The following HCRTR2 variants were observed in gnomAD, a reference collection of about 807,000 sequenced individuals.
The protein encoded by HCRTR2 is hypocretin receptor 2.
In HCRTR2, 22 loss-of-function variants were observed where a neutral mutation model predicts 49.0. That is an observed-to-expected ratio of 0.45 (90% CI 0.32 to 0.64). The LOEUF is 0.64. Among genes scored for constraint, HCRTR2 ranks in the 30% least tolerant of loss-of-function variants. HCRTR2 has a pLI of 0.04. For missense variants in HCRTR2, 491 were observed against 559.4 expected, an observed-to-expected ratio of 0.88 and a Z score of 1.23; for synonymous variants, 236 against 205.3, an observed-to-expected ratio of 1.15 and a Z score of -1.28.
chr6:55,111,162 A>C (rs35094736), intron 1 of HCRTR2, among the ~76,000 whole-genome samples: 4,725 of 151,944 alleles, frequency 0.031, 198 homozygotes, highest in African/African-American at 0.088. Flanking sequence ...AAATGGATAC[A>C]GCAAAATGGT....
At chr6:55,186,822 G>A (rs1425247657) in intron 1 of HCRTR2, among the ~76,000 whole-genome samples, 1 of 152,138 alleles carries the variant, frequency 6.6e-6, no homozygotes, top group Non-Finnish European at 1.5e-5. Context: ...GCCTTGGGAT[G>A]TTTCAGGCAT....
intron 1 of HCRTR2, among the ~76,000 whole-genome samples, chr6:55,232,466 G>A (rs898227475): frequency 4.6e-5 from 7 of 152,030 alleles, no homozygotes; most frequent in Non-Finnish European, 5.9e-5. Context: ...AACTTTCTCC[G>A]ACATGTTGTC....
rs180919964 is a variant in HCRTR2, at chr6:55,147,098, A to G, written c.-377-27113A>G. ...TAGGGGATATTTAAAACTATTACAT[A>G]CTTATTTTCTCCCAAAATGTAAGGT... On this transcript the variant is annotated intron_variant, in intron 1 of 7. Coordinates refer to the HCRTR2 transcript ENST00000615358. Among the ~76,000 whole-genome samples the G allele has an allele frequency of 1.6e-3, 242 of 152,294 alleles. 2 individuals carry two copies. Among genetic ancestry groups the G allele is most frequent in the African/African-American group, 5.5e-3 (227 of 41,572 alleles).
At chr6:55,214,253 C>T (rs1765747490) in intron 1 of HCRTR2, among the ~76,000 whole-genome samples, 1 of 148,342 alleles carries the variant, frequency 6.7e-6, no homozygotes, top group Non-Finnish European at 1.5e-5. Flanking sequence ...CCCAGAATTT[C>T]TAGCTGGGTT....
At chr6:55,226,723 T>TTTTTTTTTTTG (rs1562013656) in intron 1 of HCRTR2, among the ~76,000 whole-genome samples, 9 of 137,710 alleles carry the variant, frequency 6.5e-5, no homozygotes, top group African/African-American at 2.2e-4. Flanking sequence ...TTTTTTTTTT[T>TTTTTTTTTTTG]TTTTTTTTTT....
upstream of HCRTR2, among the ~76,000 whole-genome samples, chr6:55,173,405 C>T (rs920119208): frequency 2.6e-5 from 4 of 152,138 alleles, no homozygotes; most frequent in African/African-American, 9.7e-5. Flanking sequence ...CCAGGCTCTT[C>T]CCAAGTGCAA....
At chr6:55,274,126 A>T (rs1018823590) in intron 4 of HCRTR2, among the ~76,000 whole-genome samples, 4 of 151,102 alleles carry the variant, frequency 2.6e-5, no homozygotes, top group African/African-American at 9.7e-5. Flanking sequence ...TCTATAGATC[A>T]ATTTGGGGAG....
At chr6:55,193,642 A>C (rs1765359754) in intron 1 of HCRTR2, among the ~76,000 whole-genome samples, 1 of 150,170 alleles carries the variant, frequency 6.7e-6, no homozygotes, top group Non-Finnish European at 1.5e-5. Flanking sequence ...ACCTCACCCC[A>C]TTTTTCTGTT....
rs144294417 is a variant in HCRTR2 at position 55,199,134 on chromosome 6, G to A, written c.223+24324G>A. Among the ~76,000 whole-genome samples the A allele has an allele frequency of 5.5e-4, 83 of 152,228 alleles. No individual in the cohort carries two copies. The South Asian group carries it at 6.0e-3, about 11-fold the overall frequency. ...AAAGGAGAATTAGGTTACTGTTAAT[G>A]GGAGAATGAGAAATGGGTATTGTAA... On this transcript the variant is annotated intron_variant, in intron 1 of 6. Transcript: ENST00000370862.
intron 1 of HCRTR2, among the ~76,000 whole-genome samples, chr6:55,197,890 G>T (rs908715979): frequency 6.6e-6 from 1 of 152,154 alleles, no homozygotes; most frequent in Non-Finnish European, 1.5e-5. Context: ...CAAAGTGCTG[G>T]GATTACAGGC....
At chr6:55,212,444 A>T (rs1332722871) in intron 1 of HCRTR2, among the ~76,000 whole-genome samples, 1 of 152,146 alleles carries the variant, frequency 6.6e-6, no homozygotes, top group African/African-American at 2.4e-5. Context: ...ATTGGTATGG[A>T]AGTGGACATT....
chr6:55,275,316 G>C (rs1021914717), intron 4 of HCRTR2, among the ~76,000 whole-genome samples: 27 of 152,158 alleles, frequency 1.8e-4, no homozygotes, highest in African/African-American at 5.8e-4. Flanking sequence ...GTGCCTGCTT[G>C]ATTGAAACCT....
intron 1 of HCRTR2, among the ~76,000 whole-genome samples, chr6:55,192,413 G>GCGCACACACACA (rs139180472): frequency 0.012 from 1,500 of 128,486 alleles, 14 homozygotes; most frequent in East Asian, 0.056. Flanking sequence ...GCGCGCGCGC[G>GCGCACACACACA]CACACACACA....
At chr6:55,127,728 T>C (rs753258164) in intron 1 of HCRTR2, among the ~76,000 whole-genome samples, 10 of 152,170 alleles carry the variant, frequency 6.6e-5, no homozygotes, top group African/African-American at 1.2e-4. Flanking sequence ...GCCTCTTGCA[T>C]TATAGATCTC....
intron 1 of HCRTR2, among the ~76,000 whole-genome samples, chr6:55,126,581 G>T (rs1043256397): frequency 6.6e-6 from 1 of 152,210 alleles, no homozygotes; most frequent in African/African-American, 2.4e-5. Context: ...TAAGGACCCA[G>T]TTGAGGAGGC....
At chr6:55,184,090 G>A (rs1765177720) in intron 1 of HCRTR2, among the ~76,000 whole-genome samples, 1 of 152,028 alleles carries the variant, frequency 6.6e-6, no homozygotes, top group Non-Finnish European at 1.5e-5. Context: ...ATCACGAGCA[G>A]CTAATTTTTT....
rs550434308 is a variant in HCRTR2, at chr6:55,258,230, A to T, written c.646+2851A>T. 2.6e-5 allele frequency among the ~76,000 whole-genome samples: 4 copies of T among 152,274 alleles called. No individual in the cohort carries two copies. In the South Asian group the frequency reaches 8.3e-4, roughly 32 times the overall value. On this transcript the variant is annotated intron_variant, in intron 3 of 6. Coordinates refer to ENST00000370862, the MANE Select transcript of HCRTR2 (RefSeq NM_001384272.1). ...GTAAAATATCTTCTATTTGAGATTA[A>T]TTCATAATCTGTGTTTCTTATCTTT...
intron 1 of HCRTR2, among the ~76,000 whole-genome samples, chr6:55,240,317 C>T (rs962181307): frequency 6.8e-5 from 9 of 131,756 alleles, no homozygotes; most frequent in Non-Finnish European, 1.4e-4. Flanking sequence ...GAGATAGTGC[C>T]ACTGCAGTTC....
intron 1 of HCRTR2, among the ~76,000 whole-genome samples, chr6:55,229,714 T>C (rs947097856): frequency 2.0e-5 from 3 of 152,086 alleles, no homozygotes; most frequent in Non-Finnish European, 2.9e-5. Context: ...ACTAGAATGG[T>C]AGTTGCCAGG....
Sources: gnomAD v4.1 joint callset for allele counts (sites outside exome capture counted in the v4.1 genomes callset) on GRCh38, gnomAD v4.1.1 for gene constraint, MANE v1.5 for transcripts, NCBI Gene and HGNC (gene_info 2026-07-23, HGNC 2026-07-21) for gene names.